Variants in KCNH7 observed in about 807,000 individuals in gnomAD.
KCNH7 encodes potassium voltage-gated channel subfamily H member 7.
A neutral mutation model predicts 120.8 loss-of-function variants in KCNH7; 49 were observed. The observed-to-expected ratio is 0.41, with a 90% CI of 0.32 to 0.51. The LOEUF is 0.51. Ranked by LOEUF, KCNH7 falls within the 20% of genes least tolerant of loss-of-function variation. The pLI is 0.38. For missense variants in KCNH7, 1,097 were observed against 1,446.6 expected (o/e 0.76, Z 3.92); for synonymous variants, 547 against 516.1 (o/e 1.06, Z -0.81).
rs183994165 is a variant in KCNH7 at position 162,606,528 on chromosome 2, T to C, written c.308-69448A>G. Among the ~76,000 whole-genome samples the C allele has an allele frequency of 5.9e-5, 9 of 152,332 alleles. No individual in the cohort carries two copies. In the East Asian group the frequency reaches 1.7e-3, roughly 29 times the overall value. On this transcript the variant is annotated intron_variant, in intron 2 of 15. Transcript: ENST00000332142. ...ACTCGCTGTTTTAAATCCTAAGTTC[T>C]ATTCAATTAATTGGAAAGACAGTAA...
chr2:162,493,634 T>A (rs1690400621), intron 6 of KCNH7, among the ~76,000 whole-genome samples: 1 of 152,218 alleles, frequency 6.6e-6, no homozygotes, highest in Admixed American at 6.5e-5. Flanking sequence ...GAGTCAGATC[T>A]TATCTGTGCC....
intron 2 of KCNH7, among the ~76,000 whole-genome samples, chr2:162,645,000 C>A (rs528960121): frequency 6.6e-6 from 1 of 152,156 alleles, no homozygotes; most frequent in Non-Finnish European, 1.5e-5. Context: ...TACCATTTTG[C>A]CTACTTATAT....
intron 2 of KCNH7, among the ~76,000 whole-genome samples, chr2:162,555,474 C>T (rs769120718): frequency 1.3e-5 from 2 of 152,182 alleles, no homozygotes; most frequent in Non-Finnish European, 2.9e-5. Context: ...CAGTTTCAGT[C>T]AGTTTCTTAG....
chr2:162,377,647 T>C (rs575067779), intron 14 of KCNH7, among the ~76,000 whole-genome samples: 38 of 152,256 alleles, frequency 2.5e-4, no homozygotes, highest in African/African-American at 8.9e-4. Context: ...GTGGATCTTA[T>C]AGAGTCTTTG....
At chr2:162,527,199 A>G (rs1348660189) in intron 3 of KCNH7, among the ~76,000 whole-genome samples, 3 of 152,004 alleles carry the variant, frequency 2.0e-5, no homozygotes, top group Admixed American at 6.6e-5. Flanking sequence ...CAACCATGCC[A>G]TGTTTCCTTT....
At chr2:162,617,856 A>C (rs911092632) in intron 2 of KCNH7, among the ~76,000 whole-genome samples, 1 of 152,136 alleles carries the variant, frequency 6.6e-6, no homozygotes, top group Non-Finnish European at 1.5e-5. Flanking sequence ...CATTAAAATG[A>C]TGTGCCATTT....
intron 3 of KCNH7, among the ~76,000 whole-genome samples, chr2:162,528,984 T>C (rs1450768359): frequency 6.6e-6 from 1 of 151,886 alleles, no homozygotes; most frequent in Non-Finnish European, 1.5e-5. Context: ...ATAATGACTA[T>C]TCATAATGTA....
intron 6 of KCNH7, among the ~76,000 whole-genome samples, chr2:162,470,953 C>A (rs1253286381): frequency 4.6e-5 from 7 of 152,134 alleles, no homozygotes; most frequent in Non-Finnish European, 8.8e-5. Flanking sequence ...TACCCCCAAC[C>A]CTGTGCCCTC....
At chr2:162,394,855 ACTGTG>A (rs1686859904) in intron 11 of KCNH7, among the ~76,000 whole-genome samples, 1 of 151,818 alleles carries the variant, frequency 6.6e-6, no homozygotes, top group Non-Finnish European at 1.5e-5. Flanking sequence ...ACAGGCTTTA[ACTGTG>A]CAGGTTCACT....
At chr2:162,708,185 C>A (rs532481925) in intron 2 of KCNH7, among the ~76,000 whole-genome samples, 1 of 151,940 alleles carries the variant, frequency 6.6e-6, no homozygotes, top group Non-Finnish European at 1.5e-5. Context: ...ATATAGTAGG[C>A]CCTCAACAAT....
At chr2:162,375,730 C>A (rs1418311566) in intron 14 of KCNH7, among the ~76,000 whole-genome samples, 2 of 151,704 alleles carry the variant, frequency 1.3e-5, no homozygotes, top group Non-Finnish European at 2.9e-5. Context: ...GAGTTTGAGA[C>A]CAGCCTGGGA....
In KCNH7 at chr2:162,570,401, T is replaced by C. The variant is rs566996008; in HGVS notation, c.308-33321A>G. The stretch of plus-strand genomic sequence containing the variant: ...TTGCTTGGTAGATCTTCCTCCATCC[T>C]TTTATTTTGAGCCTATGTGTGTCTC... On this transcript the variant is annotated intron_variant, in intron 2 of 15. Transcript: ENST00000332142. Among the ~76,000 whole-genome samples the C allele has an allele frequency of 4.6e-3, 695 of 151,948 alleles. 5 individuals are homozygous for C. The highest frequency in any genetic ancestry group is 0.016 in the African/African-American group (661 of 41,496).
chr2:162,642,621 T>C (rs2105240097), intron 2 of KCNH7, among the ~76,000 whole-genome samples: 1 of 152,328 alleles, frequency 6.6e-6, no homozygotes, highest in East Asian at 1.9e-4. Context: ...ATTTCTGCTG[T>C]TATAGAGCGT....
intron 2 of KCNH7, among the ~76,000 whole-genome samples, chr2:162,641,640 G>A (rs1684161067): frequency 6.6e-6 from 1 of 152,144 alleles, no homozygotes; most frequent in Non-Finnish European, 1.5e-5. Context: ...GAACAGGCTA[G>A]AGGTCAGGGA....
At position 162,465,600 on chromosome 2, in the gene KCNH7, G is replaced by A. The variant is rs1192994338; in HGVS notation, c.1129-19157C>T. 2.0e-5 allele frequency among the ~76,000 whole-genome samples: 3 copies of A among 152,126 alleles called. No individual in the cohort carries two copies. The East Asian group carries it at 5.8e-4, about 29-fold the overall frequency. ...AAGCTGCCTCACATCAATCATTTCAGTTGCAAGGATATTGTTTTGTATAGG... is the reference window on the plus strand; with the variant it reads ...AAGCTGCCTCACATCAATCATTTCAATTGCAAGGATATTGTTTTGTATAGG... On this transcript the variant is annotated intron_variant, in intron 6 of 15. Coordinates refer to ENST00000332142, the MANE Select transcript of KCNH7 (RefSeq NM_033272.4).
intron 2 of KCNH7, among the ~76,000 whole-genome samples, chr2:162,570,692 T>C (rs1693439990): frequency 6.6e-6 from 1 of 152,092 alleles, no homozygotes; most frequent in Non-Finnish European, 1.5e-5. Context: ...CCATGTTTAG[T>C]GCTTCCTTCA....
chr2:162,654,179 C>A (rs1574225731), intron 2 of KCNH7, among the ~76,000 whole-genome samples: 2 of 145,740 alleles, frequency 1.4e-5, no homozygotes, highest in African/African-American at 2.5e-5. Context: ...TCATACATAA[C>A]AAAGGAAACA....
intron 2 of KCNH7, among the ~76,000 whole-genome samples, chr2:162,682,972 G>A (rs1685765011): frequency 2.0e-5 from 3 of 151,834 alleles, no homozygotes; most frequent in South Asian, 4.1e-4. Context: ...GCTTAATATA[G>A]GATAGTCTAA....
chr2:162,811,742 G>A (rs1390736661), intron 2 of KCNH7, among the ~76,000 whole-genome samples: 1 of 152,000 alleles, frequency 6.6e-6, no homozygotes, highest in East Asian at 1.9e-4. Context: ...GGAGGAATTG[G>A]GTATTTTTAA....
Sources: gnomAD v4.1 joint callset for allele counts (sites outside exome capture counted in the v4.1 genomes callset) on GRCh38, gnomAD v4.1.1 for gene constraint, MANE v1.5 for transcripts, NCBI Gene and HGNC (gene_info 2026-07-23, HGNC 2026-07-21) for gene names.